The following CNTLN variants were observed in gnomAD, a reference collection of about 807,000 sequenced individuals.
CNTLN encodes the protein centlein, centrosomal protein.
In CNTLN, 212 loss-of-function variants were observed where a neutral mutation model predicts 180.0. The ratio of observed to expected loss-of-function variants is 1.18; its 90% CI spans 1.05 to 1.32. CNTLN has a LOEUF of 1.32. CNTLN is among the 40% of genes most tolerant of loss of function. The probability of loss-of-function intolerance (pLI) is 0.00; values close to 1 mark genes in which losing one functional copy is unlikely to be tolerated. For synonymous variants in CNTLN, 722 were observed against 563.1 expected, an observed-to-expected ratio of 1.28 and a Z score of -3.99; for missense variants, 2,095 against 1,610.9, an observed-to-expected ratio of 1.30 and a Z score of -5.14.
intron 13 of CNTLN, among the ~76,000 whole-genome samples, chr9:17,384,925 A>G (rs10121841): frequency 0.5 from 75,935 of 152,016 alleles, 20,230 homozygotes; most frequent in Non-Finnish European, 0.59. Context: ...CAGACCCTAC[A>G]GATTAAGGAC....
At chr9:17,274,463 A>ATCTATCTG (rs1563946941) in intron 6 of CNTLN, among the ~76,000 whole-genome samples, 2 of 140,834 alleles carry the variant, frequency 1.4e-5, no homozygotes, top group African/African-American at 5.3e-5. Context: ...ATATCTATCT[A>ATCTATCTG]TCTATCTATC....
intron 7 of CNTLN, among the ~76,000 whole-genome samples, chr9:17,308,263 C>CTT (rs747895906): frequency 5.3e-5 from 8 of 152,076 alleles, no homozygotes; most frequent in Non-Finnish European, 7.4e-5. Context: ...ATTGCCTTGA[C>CTT]TTAAAAAGGT....
At chr9:17,481,615 A>G (rs947409214) in intron 23 of CNTLN, among the ~76,000 whole-genome samples, 2 of 152,198 alleles carry the variant, frequency 1.3e-5, no homozygotes, top group East Asian at 3.9e-4. Flanking sequence ...AAGGAGTCCA[A>G]CCAGCAGCAA....
chr9:17,379,263 T>G (rs189777804), intron 13 of CNTLN, among the ~76,000 whole-genome samples: 95 of 152,274 alleles, frequency 6.2e-4, no homozygotes, highest in African/African-American at 2.2e-3. Flanking sequence ...TTGGATGTTT[T>G]TTTTTTCTCT....
intron 5 of CNTLN, among the ~76,000 whole-genome samples, chr9:17,267,422 G>C (rs949061530): frequency 4.6e-5 from 7 of 152,110 alleles, no homozygotes; most frequent in Non-Finnish European, 8.8e-5. Flanking sequence ...TTCGTCTGAT[G>C]GGCTTCCCTT....
intron 18 of CNTLN, among the ~76,000 whole-genome samples, chr9:17,446,013 T>G (rs1374867190): frequency 6.6e-6 from 1 of 152,188 alleles, no homozygotes; most frequent in Non-Finnish European, 1.5e-5. Context: ...TGTATGCATA[T>G]CTAAAAGCAC....
chr9:17,478,073 G>A (rs896526217), intron 23 of CNTLN, among the ~76,000 whole-genome samples: 10 of 152,316 alleles, frequency 6.6e-5, no homozygotes, highest in Middle Eastern at 3.4e-3. Flanking sequence ...CACTAGCAAA[G>A]TTTTTACAAT....
chr9:17,501,697 T>A (rs540862259), intron 25 of CNTLN, among the ~76,000 whole-genome samples: 1 of 152,292 alleles, frequency 6.6e-6, no homozygotes, highest in African/African-American at 2.4e-5. Context: ...AAGTAGTCTA[T>A]CCCTGGTTGA....
At position 17,267,832 on chromosome 9, in the gene CNTLN, G is replaced by A. The variant is rs188298986; in HGVS notation, c.850-5901G>A. 1.1e-3 allele frequency among the ~76,000 whole-genome samples: 172 copies of A among 151,950 alleles called. 1 individual carries two copies. Among genetic ancestry groups the A allele is most frequent in the African/African-American group, 3.9e-3 (160 of 41,436 alleles). On this transcript the variant is annotated intron_variant, in intron 5 of 25. Coordinates refer to ENST00000380647, the MANE Select transcript of CNTLN (RefSeq NM_017738.4). ...ACCCTTTCTTCCAGTTGATCGCATCGGCTAATGAGGCTTCTGCAGTCCACG... is the reference window on the plus strand; with the variant it reads ...ACCCTTTCTTCCAGTTGATCGCATCAGCTAATGAGGCTTCTGCAGTCCACG...
intron 9 of CNTLN, 35 bp from the exon 10 acceptor site, chr9:17,332,570 A>G (rs766315735): frequency 2.5e-6 from 4 of 1,575,494 alleles, no homozygotes; most frequent in Admixed American, 3.7e-5. Flanking sequence ...CCAGTGTTCC[A>G]ACTAGTTCAA....
At chr9:17,320,750 A>G (rs7028433) in intron 8 of CNTLN, among the ~76,000 whole-genome samples, 145,721 of 152,112 alleles carry the variant, frequency 0.96, 70,104 homozygotes, top group East Asian at 1. Context: ...TGATCCACCC[A>G]CCTCAGCCTC....
At chr9:17,351,871 A>G (rs1822393856) in intron 12 of CNTLN, among the ~76,000 whole-genome samples, 1 of 152,178 alleles carries the variant, frequency 6.6e-6, no homozygotes, top group South Asian at 2.1e-4. Flanking sequence ...AACACACTTG[A>G]ATATCAGCTC....
At chr9:17,271,927 A>G (rs577703734) in intron 5 of CNTLN, among the ~76,000 whole-genome samples, 1 of 152,246 alleles carries the variant, frequency 6.6e-6, no homozygotes, top group Non-Finnish European at 1.5e-5. Flanking sequence ...TTTTTGCTTC[A>G]TAATATTTGT....
chr9:17,141,206 C>T (rs2183502), intron 1 of CNTLN, among the ~76,000 whole-genome samples: 49,933 of 151,770 alleles, frequency 0.33, 10,169 homozygotes, highest in East Asian at 0.6. Context: ...GAATGGATGA[C>T]GGAGACAGAA....
In CNTLN at chr9:17,155,155, A is replaced by G. The variant is rs150004850; in HGVS notation, c.449+11779A>G. 2.4e-4 allele frequency among the ~76,000 whole-genome samples: 36 copies of G among 152,330 alleles called. 2 individuals carry two copies. The East Asian group carries it at 6.8e-3, about 29-fold the overall frequency. ...GAAGAAACTCTGGACACATCTGAACATCTGAAGGAACAAACTCTGGACACA... is the reference window on the plus strand; with the variant it reads ...GAAGAAACTCTGGACACATCTGAACGTCTGAAGGAACAAACTCTGGACACA... On this transcript the variant is annotated intron_variant, in intron 2 of 25. Coordinates refer to ENST00000380647, the MANE Select transcript of CNTLN (RefSeq NM_017738.4).
intron 18 of CNTLN, among the ~76,000 whole-genome samples, chr9:17,442,691 G>A (rs1240972604): frequency 1.3e-5 from 2 of 152,162 alleles, no homozygotes; most frequent in Non-Finnish European, 2.9e-5. Context: ...AAGCCACCAT[G>A]CCCAGCTAAA....
intron 12 of CNTLN, among the ~76,000 whole-genome samples, chr9:17,358,722 C>A (rs1369649410): frequency 6.6e-6 from 1 of 151,986 alleles, no homozygotes; most frequent in Non-Finnish European, 1.5e-5. Context: ...TAGTTAGAAA[C>A]ACTAAAAGGA....
chr9:17,406,296 T>C (rs1223789769), intron 15 of CNTLN, among the ~76,000 whole-genome samples: 1 of 151,864 alleles, frequency 6.6e-6, no homozygotes, highest in Non-Finnish European at 1.5e-5. Flanking sequence ...ATATCTATCA[T>C]CAGTTGCCTG....
At chr9:17,183,772 A>G (rs1418521421) in intron 2 of CNTLN, among the ~76,000 whole-genome samples, 1 of 152,102 alleles carries the variant, frequency 6.6e-6, no homozygotes, top group Non-Finnish European at 1.5e-5. Flanking sequence ...CTAAACATGA[A>G]ATACACTTCT....
Sources: allele counts gnomAD v4.1 joint callset (sites outside exome capture counted in the v4.1 genomes callset), GRCh38; gene constraint gnomAD v4.1.1; transcripts MANE v1.5; gene names NCBI Gene and HGNC (gene_info 2026-07-23, HGNC 2026-07-21).